Variants in TENM1 observed in about 807,000 individuals in gnomAD.
The protein encoded by TENM1 is teneurin transmembrane protein 1, also known as teneurin-1.
In TENM1, 35 loss-of-function variants were observed where a neutral mutation model predicts 174.8. The observed-to-expected ratio is 0.20, with a 90% CI of 0.15 to 0.27. TENM1 has a LOEUF of 0.27. Among genes scored for constraint, TENM1 ranks in the 10% least tolerant of loss-of-function variants. The pLI, the probability that TENM1 is intolerant of heterozygous loss-of-function variation, is 1.00. For synonymous variants in TENM1, 781 were observed against 798.7 expected (o/e 0.98, Z 0.37); for missense variants, 1,633 against 2,130.1 (o/e 0.77, Z 4.59).
At chrX:124,417,129 T>C (rs2060602464) in intron 25 of TENM1, among the ~76,000 whole-genome samples, 1 of 112,251 alleles carries the variant, frequency 8.9e-6, no homozygotes, top group Non-Finnish European at 1.9e-5. Context: ...CATTCCACTC[T>C]CCTAGTTTTC....
chrX:125,033,389 AAAAAACCCC>A, the TENM1 span, among the ~76,000 whole-genome samples: 1 of 111,818 alleles, frequency 8.9e-6, no homozygotes, highest in African/African-American at 3.2e-5. Flanking sequence ...ACCCATATGA[AAAAAACCCC>A]AAAAACTCAA....
Position 124,737,205 on chromosome X carries a change from G to A in TENM1, c.536-8C>T, listed in dbSNP as rs2053695113. 2 of 1,181,938 alleles carry A rather than the reference G, an allele frequency of 1.7e-6. No individual in the cohort carries two copies. The highest frequency in any genetic ancestry group is 2.3e-6 in the Non-Finnish European group (2 of 882,025). Reference sequence around the variant, plus strand: ...GTGGGCTGCTCTGCACATCTAAAGAGGAGAGAAGAGAAACATAAAATAGAG... The same window carrying A: ...GTGGGCTGCTCTGCACATCTAAAGAAGAGAGAAGAGAAACATAAAATAGAG... On this transcript the variant is annotated splice_region_variant and splice_polypyrimidine_tract_variant and intron_variant, in intron 3 of 31. Coordinates refer to ENST00000422452, the Ensembl canonical transcript of TENM1.
intron 5 of TENM1, among the ~76,000 whole-genome samples, chrX:124,701,422 T>C (rs1269929667): frequency 9.0e-6 from 1 of 111,702 alleles, no homozygotes; most frequent in Non-Finnish European, 1.9e-5. Flanking sequence ...AAGCTGTGTT[T>C]GTGCCCTTCA....
intron 8 of TENM1, among the ~76,000 whole-genome samples, chrX:124,649,971 G>A (rs1602906093): frequency 9.1e-6 from 1 of 110,147 alleles, no homozygotes; most frequent in African/African-American, 3.3e-5. Flanking sequence ...GGAGGCTGAG[G>A]CGGGTGGATC....
chrX:125,080,535 C>T, the TENM1 span, among the ~76,000 whole-genome samples: 1 of 111,532 alleles, frequency 9.0e-6, no homozygotes, highest in Non-Finnish European at 1.9e-5. Flanking sequence ...CCTCATTTTA[C>T]AGATGCGGAA....
intron 15 of TENM1, among the ~76,000 whole-genome samples, chrX:124,542,607 C>A (rs1489258993): frequency 1.8e-5 from 2 of 111,454 alleles, no homozygotes; most frequent in Non-Finnish European, 3.8e-5. Context: ...TTAAAATTTA[C>A]TCTAAGTTAT....
At chrX:124,691,357 C>T (rs964651974) in intron 5 of TENM1, among the ~76,000 whole-genome samples, 1 of 111,586 alleles carries the variant, frequency 9.0e-6, no homozygotes, top group South Asian at 3.7e-4. Flanking sequence ...ACACAGGTAA[C>T]AAAAAAGATC....
In TENM1 at chrX:124,381,291, T is replaced by C. The variant is rs948852498; in HGVS notation, c.7444A>G (p.Ile2482Val). The change falls in exon 32 of 32, where the codon ATC (isoleucine) becomes GTC (valine). Residue 2482 changes from isoleucine to valine, a missense_variant. Physicochemically the swap from Ile to Val is conservative, Grantham distance 29. This residue lies in a region of TENM1 where 807 missense variants were observed against 1,125.3 expected (regional missense o/e 0.72). Coordinates refer to ENST00000422452, the Ensembl canonical transcript of TENM1. ...TGGAGTTCACACTGAATGCCCAGGA[T>C]AGTCTAGGAAAGAGAGGCACAGAGC... The C allele has an allele frequency of 3.4e-6, 4 of 1,193,215 alleles. No individual in the cohort carries two copies. The highest frequency in any genetic ancestry group is 4.5e-6 in the Non-Finnish European group (4 of 891,567).
chrX:125,149,401 CCA>C, the TENM1 span, among the ~76,000 whole-genome samples: 3 of 112,049 alleles, frequency 2.7e-5, no homozygotes, highest in Admixed American at 9.5e-5. Flanking sequence ...TTTCACCAGA[CCA>C]CAGTTATTTG....
At chrX:125,144,741 A>T in the TENM1 span, among the ~76,000 whole-genome samples, 30 of 94,849 alleles carry the variant, frequency 3.2e-4, no homozygotes, top group African/African-American at 1.0e-3. Context: ...GGTGCTCATA[A>T]TTTTTTTTTT....
chrX:124,691,499 T>A lies in TENM1; in HGVS notation c.1015+13514A>T, dbSNP rs146430394. The stretch of plus-strand genomic sequence containing the variant: ...CTTGCAGCACAGTTTGATGGCAATG[T>A]CCGTGGAGACGTAAACACGTTCATA... On this transcript the variant is annotated intron_variant, in intron 5 of 31. Transcript: ENST00000422452. Among the ~76,000 whole-genome samples, 926 of 112,201 alleles carry A rather than the reference T, an allele frequency of 8.3e-3. 10 individuals are homozygous for A. Among genetic ancestry groups the A allele is most frequent in the African/African-American group, 0.029 (895 of 30,912 alleles).
At chrX:124,500,327 G>A (rs1206680067) in intron 19 of TENM1, among the ~76,000 whole-genome samples, 1 of 112,108 alleles carries the variant, frequency 8.9e-6, no homozygotes, top group Non-Finnish European at 1.9e-5. Context: ...GGGTGTTTTT[G>A]TTGTTTCAAG....
intron 3 of TENM1, among the ~76,000 whole-genome samples, chrX:124,754,009 A>T (rs1163356310): frequency 9.0e-6 from 1 of 111,644 alleles, no homozygotes; most frequent in Non-Finnish European, 1.9e-5. Context: ...CTCATAAATG[A>T]GTTAGGGAGG....
chrX:124,847,128 T>C (rs1009720751), intron 3 of TENM1, among the ~76,000 whole-genome samples: 1 of 111,056 alleles, frequency 9.0e-6, no homozygotes, highest in Non-Finnish European at 1.9e-5. Context: ...GGTTTCTTTA[T>C]TAAAGGACTT....
chrX:125,124,400 T>G, the TENM1 span, among the ~76,000 whole-genome samples: 96 of 112,020 alleles, frequency 8.6e-4, no homozygotes, highest in Non-Finnish European at 1.5e-3. Flanking sequence ...GTACATCTAG[T>G]AGAAGGATGG....
intron 11 of TENM1, among the ~76,000 whole-genome samples, chrX:124,580,087 T>C (rs986502575): frequency 9.0e-6 from 1 of 111,604 alleles, no homozygotes; most frequent in South Asian, 3.7e-4. Context: ...GGTGCTAATG[T>C]GGATCAAAAA....
chrX:124,689,833 G>T lies in TENM1; in HGVS notation c.1015+15180C>A, dbSNP rs183354899. ...TGTTTAATTTATAAATTAAAAAGAT[G>T]AACAATAATAACAAAATAGAACAAG... is the stretch of plus-strand genomic sequence containing the variant. On this transcript the variant is annotated intron_variant, in intron 5 of 31. Coordinates refer to ENST00000422452, the Ensembl canonical transcript of TENM1. Among the ~76,000 whole-genome samples, 19 of 110,349 alleles carry T rather than the reference G, an allele frequency of 1.7e-4. 1 individual carries two copies. In the East Asian group the frequency reaches 5.1e-3, roughly 30 times the overall value.
the TENM1 span, among the ~76,000 whole-genome samples, chrX:125,106,415 T>C: frequency 2.8e-5 from 3 of 108,217 alleles, no homozygotes; most frequent in African/African-American, 1.0e-4. Context: ...GAATAACTTT[T>C]TTTTTTTTTT....
At chrX:124,924,605 T>C (rs1449314456) in intron 1 of TENM1, among the ~76,000 whole-genome samples, 11 of 111,848 alleles carry the variant, frequency 9.8e-5, no homozygotes, top group Non-Finnish European at 1.3e-4. Context: ...CCAGGGACCA[T>C]GACATTTTGT....
Sources: allele counts gnomAD v4.1 joint callset (sites outside exome capture counted in the v4.1 genomes callset), GRCh38; gene constraint gnomAD v4.1.1; regional missense constraint gnomAD v4.1.1; transcripts MANE v1.5; gene names NCBI Gene and HGNC (gene_info 2026-07-23, HGNC 2026-07-21).